The following THSD7B variants were observed in gnomAD, a reference collection of about 807,000 sequenced individuals.
THSD7B encodes the protein thrombospondin type-1 domain-containing protein 7B.
In THSD7B, 138 loss-of-function variants were observed where a neutral mutation model predicts 213.6. The observed-to-expected ratio is 0.65, with a 90% CI of 0.56 to 0.74. The LOEUF is 0.74. THSD7B is among the 30% of genes least tolerant of loss of function. The probability of loss-of-function intolerance (pLI) is 0.00; values close to 1 mark genes in which losing one functional copy is unlikely to be tolerated. For missense variants in THSD7B, 1,931 were observed against 1,991.5 expected, an observed-to-expected ratio of 0.97 and a Z score of 0.58; for synonymous variants, 742 against 687.0, an observed-to-expected ratio of 1.08 and a Z score of -1.25.
At chr2:137,657,505 G>A (rs1171878833) in intron 24 of THSD7B, among the ~76,000 whole-genome samples, 1 of 152,108 alleles carries the variant, frequency 6.6e-6, no homozygotes, top group Non-Finnish European at 1.5e-5. Flanking sequence ...TAGCATGTGT[G>A]TGTGCAGTAC....
chr2:136,983,371 G>GCACACACACACACACACACA (rs59199689), intron 2 of THSD7B, among the ~76,000 whole-genome samples: 1 of 141,114 alleles, frequency 7.1e-6, no homozygotes, highest in African/African-American at 2.6e-5. Flanking sequence ...ACACACACAC[G>GCACACACACACACACACACA]CACACACACT....
intron 15 of THSD7B, among the ~76,000 whole-genome samples, chr2:137,480,282 A>G (rs762820088): frequency 2.5e-4 from 38 of 152,188 alleles, no homozygotes; most frequent in Non-Finnish European, 4.4e-4. Context: ...TGGGATAAGA[A>G]CATGGTATTA....
intron 12 of THSD7B, among the ~76,000 whole-genome samples, chr2:137,313,343 T>C (rs1166790571): frequency 6.6e-6 from 1 of 152,120 alleles, no homozygotes; most frequent in African/African-American, 2.4e-5. Flanking sequence ...TGCCTTTTTT[T>C]GTTTTCCATT....
intron 7 of THSD7B, among the ~76,000 whole-genome samples, chr2:137,208,163 A>G (rs1681025154): frequency 6.6e-6 from 1 of 152,084 alleles, no homozygotes; most frequent in African/African-American, 2.4e-5. Context: ...TCTATAAGTA[A>G]GTGTGCATTC....
intron 10 of THSD7B, among the ~76,000 whole-genome samples, chr2:137,258,025 C>A (rs1167619390): frequency 6.6e-6 from 1 of 152,076 alleles, no homozygotes; most frequent in Non-Finnish European, 1.5e-5. Context: ...TCATGTAAAG[C>A]ACTTGGTAAA....
At chr2:137,311,119 G>T (rs1343467360) in intron 12 of THSD7B, among the ~76,000 whole-genome samples, 1 of 151,138 alleles carries the variant, frequency 6.6e-6, no homozygotes, top group Non-Finnish European at 1.5e-5. Flanking sequence ...TCACGATATT[G>T]ATTCTTCCTA....
intron 19 of THSD7B, 71 bp downstream of exon 19, chr2:137,618,578 T>A (rs1290984155): frequency 7.4e-7 from 1 of 1,343,278 alleles, no homozygotes; most frequent in Non-Finnish European, 1.0e-6. Flanking sequence ...AGTTCCATGA[T>A]GTCCAATATA....
intron 1 of THSD7B, among the ~76,000 whole-genome samples, chr2:136,809,680 T>A (rs908301301): frequency 6.6e-6 from 1 of 152,146 alleles, no homozygotes; most frequent in African/African-American, 2.4e-5. Flanking sequence ...CGAGGATTCT[T>A]AGCTTGGGAA....
chr2:137,670,657 C>A (rs748380634), intron 27 of THSD7B, among the ~76,000 whole-genome samples: 1 of 152,122 alleles, frequency 6.6e-6, no homozygotes, highest in Non-Finnish European at 1.5e-5. Flanking sequence ...TGCGGTGGCT[C>A]ATGCCTGTAA....
At chr2:137,277,026 A>T (rs1682891541) in intron 12 of THSD7B, among the ~76,000 whole-genome samples, 1 of 151,986 alleles carries the variant, frequency 6.6e-6, no homozygotes, top group Non-Finnish European at 1.5e-5. Flanking sequence ...TATTGTAATA[A>T]TATATTGTTA....
At chr2:137,137,513 G>A (rs1679489395) in intron 5 of THSD7B, among the ~76,000 whole-genome samples, 1 of 152,120 alleles carries the variant, frequency 6.6e-6, no homozygotes, top group South Asian at 2.1e-4. Context: ...TTAGATACAT[G>A]AGTACTTACT....
intron 10 of THSD7B, among the ~76,000 whole-genome samples, chr2:137,264,586 C>T (rs1408238142): frequency 6.6e-6 from 1 of 152,038 alleles, no homozygotes; most frequent in Non-Finnish European, 1.5e-5. Flanking sequence ...AATTTTTTTC[C>T]AAGTCCAAGT....
intron 7 of THSD7B, among the ~76,000 whole-genome samples, chr2:137,196,856 G>A (rs1462117008): frequency 6.6e-6 from 1 of 152,002 alleles, no homozygotes; most frequent in African/African-American, 2.4e-5. Context: ...AATAGAAAAC[G>A]CTTCTGGTCC....
intron 15 of THSD7B, among the ~76,000 whole-genome samples, chr2:137,501,709 G>C (rs982395859): frequency 1.3e-5 from 2 of 152,158 alleles, no homozygotes; most frequent in African/African-American, 4.8e-5. Flanking sequence ...TGAGTAATTT[G>C]CATTTAATTC....
intron 15 of THSD7B, among the ~76,000 whole-genome samples, chr2:137,493,934 C>T (rs1196726235): frequency 6.6e-6 from 1 of 152,126 alleles, no homozygotes; most frequent in Non-Finnish European, 1.5e-5. Context: ...AGTACATTAC[C>T]TATTTTTATA....
At chr2:137,206,296 A>C (rs1029220659) in intron 7 of THSD7B, among the ~76,000 whole-genome samples, 1 of 152,084 alleles carries the variant, frequency 6.6e-6, no homozygotes, top group Non-Finnish European at 1.5e-5. Flanking sequence ...GCCTAAAGGC[A>C]TGCATCTAGT....
chr2:136,901,265 C>T (rs1355111594), intron 2 of THSD7B, among the ~76,000 whole-genome samples: 9 of 152,156 alleles, frequency 5.9e-5, no homozygotes, highest in Non-Finnish European at 1.2e-4. Flanking sequence ...CTACTGTTTC[C>T]AAGTCGGAGG....
chr2:137,435,829 C>A (rs909976162), intron 14 of THSD7B, among the ~76,000 whole-genome samples: 2 of 152,130 alleles, frequency 1.3e-5, no homozygotes, highest in Non-Finnish European at 2.9e-5. Context: ...CTCTGCATGG[C>A]TCCTCACTGT....
intron 5 of THSD7B, among the ~76,000 whole-genome samples, chr2:137,156,939 T>A (rs114667872): frequency 6.6e-6 from 1 of 152,134 alleles, no homozygotes; most frequent in Non-Finnish European, 1.5e-5. Flanking sequence ...ATGAGAGAGA[T>A]AGTCATGGCA....
Sources: gnomAD v4.1 joint callset for allele counts (sites outside exome capture counted in the v4.1 genomes callset) on GRCh38, gnomAD v4.1.1 for gene constraint, MANE v1.5 for transcripts, NCBI Gene and HGNC (gene_info 2026-07-23, HGNC 2026-07-21) for gene names.